The following GABRB1 variants were observed in gnomAD, a reference collection of about 807,000 sequenced individuals.
GABRB1 encodes the protein gamma-aminobutyric acid type A receptor subunit beta1.
Under a neutral mutation model 51.6 loss-of-function variants are expected in GABRB1, and 17 were observed. That is an observed-to-expected ratio of 0.33 (90% confidence interval 0.23 to 0.49). The LOEUF (loss-of-function observed/expected upper bound fraction) is 0.49, where lower values mean the gene tolerates loss of function less well. Ranked by LOEUF, GABRB1 falls within the 20% of genes least tolerant of loss-of-function variation. The pLI is 0.99. For synonymous variants in GABRB1, 247 were observed against 218.9 expected (o/e 1.13, Z -1.14); for missense variants, 410 against 600.6 (o/e 0.68, Z 3.32).
At chr4:47,398,309 GCATACTTT>G (rs1431676426) in intron 5 of GABRB1, among the ~76,000 whole-genome samples, 1 of 152,100 alleles carries the variant, frequency 6.6e-6, no homozygotes, top group Non-Finnish European at 1.5e-5. Context: ...ATATACAATT[GCATACTTT>G]GCAAATCCTG....
In GABRB1 at chr4:47,079,368, C is replaced by A. The variant is rs1024709876; in HGVS notation, c.240+46884C>A. Among the ~76,000 whole-genome samples, 5 of 152,200 alleles carry A rather than the reference C, an allele frequency of 3.3e-5. No individual in the cohort carries two copies. The South Asian group carries it at 1.0e-3, about 32-fold the overall frequency. ...GGGTGTATGTGTCAAGGAATTTCTCCATTTCTACTAGATTTTCTAGTTTAT... is the reference window on the plus strand; with the variant it reads ...GGGTGTATGTGTCAAGGAATTTCTCAATTTCTACTAGATTTTCTAGTTTAT... On this transcript the variant is annotated intron_variant, in intron 3 of 8. Transcript: ENST00000295454.
intron 5 of GABRB1, among the ~76,000 whole-genome samples, chr4:47,382,860 G>GT (rs1727641984): frequency 6.6e-6 from 1 of 152,136 alleles, no homozygotes; most frequent in South Asian, 2.1e-4. Context: ...TTTCATCAAT[G>GT]TAACTGCCAA....
chr4:47,032,814 G>C, intron 3 of GABRB1: 1 of 511,168 alleles, frequency 2.0e-6, no homozygotes, highest in Non-Finnish European at 3.9e-6. Flanking sequence ...GGCACCATCT[G>C]CTGGCAGCCG....
chr4:47,322,970 AAACAAC>A (rs58096811), intron 5 of GABRB1, among the ~76,000 whole-genome samples: 91,414 of 150,012 alleles, frequency 0.61, 27,896 homozygotes, highest in East Asian at 0.69. Flanking sequence ...CTCCATTTCA[AAACAAC>A]AACAACAACA....
chr4:47,086,768 G>C (rs1728097289), intron 3 of GABRB1, among the ~76,000 whole-genome samples: 1 of 152,122 alleles, frequency 6.6e-6, no homozygotes, highest in Non-Finnish European at 1.5e-5. Flanking sequence ...TGTCTCACTT[G>C]ATTTCTCACA....
intron 4 of GABRB1, among the ~76,000 whole-genome samples, chr4:47,241,017 T>TA (rs1382374153): frequency 2.0e-5 from 3 of 152,126 alleles, no homozygotes; most frequent in Admixed American, 6.6e-5. Context: ...GAATCTTTTT[T>TA]AAAAAAATAA....
chr4:47,360,127 A>G (rs992311332), intron 5 of GABRB1, among the ~76,000 whole-genome samples: 2 of 151,862 alleles, frequency 1.3e-5, no homozygotes, highest in Non-Finnish European at 2.9e-5. Flanking sequence ...CTTTAAAAAA[A>G]AAAAAGATAA....
chr4:47,167,767 C>A (rs183698055), intron 4 of GABRB1, among the ~76,000 whole-genome samples: 1 of 152,194 alleles, frequency 6.6e-6, no homozygotes, highest in East Asian at 1.9e-4. Flanking sequence ...GTCTCCCGTG[C>A]CCACTTTCTC....
chr4:47,328,155 GTTGT>G lies in GABRB1; in HGVS notation c.544+7953_544+7956del, dbSNP rs1254420355. On this transcript the variant is annotated intron_variant, in intron 5 of 8. Coordinates refer to ENST00000295454, the MANE Select transcript of GABRB1 (RefSeq NM_000812.4). ...TATCCTTTGCCCACTTTTTGATGGGGTTGTTTGTTTTTTTTCTTGTAAATTTGTT... is the reference window on the plus strand; with the variant it reads ...TATCCTTTGCCCACTTTTTGATGGGGTTGTTTTTTTTCTTGTAAATTTGTT... Among the ~76,000 whole-genome samples, 15 of 152,192 alleles carry G rather than the reference GTTGT, an allele frequency of 9.9e-5. No homozygotes were observed. In the South Asian group the frequency reaches 1.0e-3, roughly 11 times the overall value.
rs1404316256 is a variant in GABRB1 at position 47,011,914 on chromosome 4, T to C, written c.-20+17988T>C. 2.6e-5 allele frequency among the ~76,000 whole-genome samples: 4 copies of C among 152,094 alleles called. No individual in the cohort carries two copies. The East Asian group carries it at 7.7e-4, about 29-fold the overall frequency. On this transcript the variant is annotated intron_variant, in intron 1 of 3. Transcript: ENST00000513567. The stretch of plus-strand genomic sequence containing the variant: ...AAATACAGGAAAAAAAATCCCACAG[T>C]AGAATATGATATAATAAACATCTAG...
chr4:47,405,972 T>C (rs538027083), intron 7 of GABRB1, among the ~76,000 whole-genome samples: 1 of 152,192 alleles, frequency 6.6e-6, no homozygotes, highest in Non-Finnish European at 1.5e-5. Context: ...TTCAAATTTT[T>C]AAGAAGTTGT....
chr4:47,237,464 A>G (rs1328635853), intron 4 of GABRB1, among the ~76,000 whole-genome samples: 1 of 152,086 alleles, frequency 6.6e-6, no homozygotes, highest in Non-Finnish European at 1.5e-5. Flanking sequence ...AACTATGGAT[A>G]AGGTCTTTGA....
intron 1 of GABRB1, among the ~76,000 whole-genome samples, chr4:47,019,663 C>CT (rs539527617): frequency 7.4e-6 from 1 of 135,686 alleles, no homozygotes; most frequent in Admixed American, 8.1e-5. Flanking sequence ...TTCTTTCTTT[C>CT]TTTCTTTCTT....
intron 3 of GABRB1, among the ~76,000 whole-genome samples, chr4:47,063,911 T>C (rs995132892): frequency 6.6e-6 from 1 of 151,828 alleles, no homozygotes; most frequent in Non-Finnish European, 1.5e-5. Flanking sequence ...GGGAGAGCAT[T>C]AGAGAAAAGA....
chr4:47,122,354 A>G (rs1715813993), intron 3 of GABRB1, among the ~76,000 whole-genome samples: 1 of 152,110 alleles, frequency 6.6e-6, no homozygotes, highest in African/African-American at 2.4e-5. Flanking sequence ...TTTTTTTCAC[A>G]TTTGATACGT....
intron 4 of GABRB1, among the ~76,000 whole-genome samples, chr4:47,185,969 C>A (rs762107894): frequency 1.3e-5 from 2 of 151,718 alleles, no homozygotes; most frequent in Non-Finnish European, 2.9e-5. Flanking sequence ...GAGTACCATG[C>A]GTGGCTATGC....
intron 3 of GABRB1, among the ~76,000 whole-genome samples, chr4:47,055,083 T>A (rs886393628): frequency 3.3e-5 from 5 of 152,146 alleles, no homozygotes; most frequent in Non-Finnish European, 7.3e-5. Context: ...AGTAAGATGA[T>A]CTCATATATA....
At chr4:47,103,612 G>A (rs556562897) in intron 3 of GABRB1, among the ~76,000 whole-genome samples, 6 of 151,892 alleles carry the variant, frequency 4.0e-5, no homozygotes, top group African/African-American at 1.4e-4. Context: ...TAGTTCCAGC[G>A]AAATTCAAAT....
At chr4:47,092,161 CTTTCTTTTTTTTTTTT>C (rs1402046101) in intron 3 of GABRB1, among the ~76,000 whole-genome samples, 3 of 68,228 alleles carry the variant, frequency 4.4e-5, no homozygotes, top group Non-Finnish European at 8.5e-5. Flanking sequence ...TTCTTTCTTT[CTTTCTTTTTTTTTTTT>C]TTTTTTTTTT....
Sources: gnomAD v4.1 joint callset for allele counts (sites outside exome capture counted in the v4.1 genomes callset) on GRCh38, gnomAD v4.1.1 for gene constraint, MANE v1.5 for transcripts, NCBI Gene and HGNC (gene_info 2026-07-23, HGNC 2026-07-21) for gene names.